REEP5: variants seen among roughly 807,000 people sequenced by gnomAD.
REEP5 encodes receptor accessory protein 5.
In REEP5, 24 loss-of-function variants were observed where a neutral mutation model predicts 22.4. The observed-to-expected ratio is 1.07, with a 90% CI of 0.78 to 1.51. The LOEUF is 1.51. Among genes scored for constraint, REEP5 ranks in the 40% most tolerant of loss-of-function variants. REEP5 has a pLI of 0.00. For missense variants in REEP5, 252 were observed against 233.0 expected (o/e 1.08, Z -0.53); for synonymous variants, 103 against 88.6 (o/e 1.16, Z -0.92).
chr5:112,914,101 C>A (rs1181020215), intron 2 of REEP5, among the ~76,000 whole-genome samples: 1 of 150,670 alleles, frequency 6.6e-6, no homozygotes, highest in Non-Finnish European at 1.5e-5. Flanking sequence ...TGTGTTCATG[C>A]CATTGCACTC....
intron 3 of REEP5, among the ~76,000 whole-genome samples, chr5:112,888,601 C>G (rs1485049275): frequency 4.4e-5 from 6 of 136,344 alleles, no homozygotes; most frequent in Non-Finnish European, 7.6e-5. Flanking sequence ...TTTTTTATAA[C>G]TTTTTTTTGT....
At position 112,921,309 on chromosome 5, in the gene REEP5, G is replaced by C. The variant is rs1182738493; in HGVS notation, c.119-53C>G. 3.8e-6 allele frequency: 6 copies of C among 1,560,568 alleles called. No homozygotes were observed. In the East Asian group the frequency reaches 1.4e-4, roughly 35 times the overall value. On this transcript the variant is annotated intron_variant, in intron 1 of 4. Coordinates refer to ENST00000379638, the MANE Select transcript of REEP5 (RefSeq NM_005669.5). ...CGGGCAGCATGAGAGCCGTTCACGC[G>C]GGACAGCCGCCGCCCACACCGCGAG...
Position 112,882,661 on chromosome 5 carries a change from G to A in REEP5, c.521-3826C>T, listed in dbSNP as rs556662061. Among the ~76,000 whole-genome samples the A allele has an allele frequency of 1.6e-3, 239 of 152,288 alleles. 3 individuals are homozygous for A. The highest frequency in any genetic ancestry group is 5.5e-3 in the African/African-American group (229 of 41,554). On this transcript the variant is annotated intron_variant, in intron 4 of 4. Transcript: ENST00000379638. ...GGGCCAGCACACTGCAGCCAAACTCGCTTATGTAGTGTCCATGGCTGTTTT... is the reference window on the plus strand; with the variant it reads ...GGGCCAGCACACTGCAGCCAAACTCACTTATGTAGTGTCCATGGCTGTTTT...
chr5:112,916,625 T>C (rs1769238681), intron 2 of REEP5, among the ~76,000 whole-genome samples: 1 of 152,228 alleles, frequency 6.6e-6, no homozygotes, highest in Non-Finnish European at 1.5e-5. Context: ...GGTCAACTGT[T>C]TTTTTGAAAG....
intron 3 of REEP5, chr5:112,892,266 C>G (rs751827938): frequency 1.2e-6 from 2 of 1,614,068 alleles, no homozygotes; most frequent in Non-Finnish European, 1.7e-6. Flanking sequence ...TTATTAAGAG[C>G]ATGTTTACAA....
At chr5:112,883,461 G>C (rs1404815867) in intron 4 of REEP5, among the ~76,000 whole-genome samples, 1 of 152,104 alleles carries the variant, frequency 6.6e-6, no homozygotes, top group Admixed American at 6.5e-5. Flanking sequence ...ACACGCTCAT[G>C]GTTTTCTTGC....
intron 2 of REEP5, among the ~76,000 whole-genome samples, chr5:112,906,677 A>T (rs1334012803): frequency 6.6e-6 from 1 of 152,160 alleles, no homozygotes. Flanking sequence ...AACTTAGATG[A>T]TCATCCACAT....
At chr5:112,899,227 C>T (rs923918216) in intron 3 of REEP5, among the ~76,000 whole-genome samples, 1 of 151,178 alleles carries the variant, frequency 6.6e-6, no homozygotes, top group Non-Finnish European at 1.5e-5. Context: ...CACAGGCATG[C>T]ACCACCATGC....
chr5:112,902,656 G>A (rs2150044307), intron 2 of REEP5, 138 bp from the exon 3 acceptor site: 1 of 689,570 alleles, frequency 1.5e-6, no homozygotes, highest in Non-Finnish European at 2.3e-6. Context: ...AGATGCAAGA[G>A]TACAGCTTAA....
intron 3 of REEP5, among the ~76,000 whole-genome samples, chr5:112,888,457 C>G (rs1768328654): frequency 1.3e-5 from 2 of 152,208 alleles, no homozygotes; most frequent in Admixed American, 1.3e-4. Context: ...GAGTCTTGCT[C>G]TGTCACCCAG....
At chr5:112,906,903 G>C (rs978417479) in intron 2 of REEP5, among the ~76,000 whole-genome samples, 15 of 152,270 alleles carry the variant, frequency 9.9e-5, no homozygotes, top group African/African-American at 2.9e-4. Context: ...CAGAGGGCAG[G>C]CTACCCCTTT....
intron 3 of REEP5, chr5:112,897,165 T>C (rs1768709222): frequency 6.6e-6 from 1 of 152,108 alleles, no homozygotes; most frequent in South Asian, 2.1e-4. Flanking sequence ...TTATATATCA[T>C]ATGTGATCTA....
intron 4 of REEP5, among the ~76,000 whole-genome samples, chr5:112,883,955 T>G (rs1357110182): frequency 1.3e-5 from 2 of 152,164 alleles, no homozygotes; most frequent in African/African-American, 4.8e-5. Flanking sequence ...CTTCTACCTT[T>G]GAAATATATC....
intron 2 of REEP5, among the ~76,000 whole-genome samples, chr5:112,913,350 AAAGAAAGAAAGGAAAGAAAG>A: frequency 6.7e-6 from 1 of 148,488 alleles, no homozygotes; most frequent in African/African-American, 2.6e-5. Context: ...GAAAGAAAAG[AAAGAAAGAAAGGAAAGAAAG>A]AAGAAAGAAA....
Position 112,878,854 on chromosome 5 carries a change from G to A in REEP5, c.521-19C>T, listed in dbSNP as rs1478608583. ...TTCTTCGCTGTTTGTTTGTTAGGAG[G>A]GAAAGAAAAATATATCAAAGCTCTT... On this transcript the variant is annotated intron_variant, in intron 4 of 4. Coordinates refer to ENST00000379638, the MANE Select transcript of REEP5 (RefSeq NM_005669.5). 3 of 1,613,880 alleles carry A rather than the reference G, an allele frequency of 1.9e-6. No individual in the cohort carries two copies. Among genetic ancestry groups the A allele is most frequent in the Non-Finnish European group, 2.5e-6 (3 of 1,179,954 alleles).
At position 112,876,537 on chromosome 5, in the gene REEP5, A is replaced by G. The variant is rs986246248; in HGVS notation, c.*2249T>C. On this transcript the variant is annotated 3_prime_UTR_variant, in exon 5 of 5. Coordinates refer to ENST00000379638, the MANE Select transcript of REEP5 (RefSeq NM_005669.5). ...AGAGTAGCAGTTGTTGATCCAAATG[A>G]TTGAAGCCTTCAGGTAAGGGAATAA... 1.3e-5 allele frequency: 2 copies of G among 152,228 alleles called. No individual in the cohort carries two copies. The highest frequency in any genetic ancestry group is 4.8e-5 in the African/African-American group (2 of 41,468). The allele number at this position is 152,228 out of a possible 1,614,324, so 9.4% of individuals were successfully genotyped here. A position where few individuals can be genotyped will look rare whatever the true frequency, so the allele number is the denominator to read the frequency against.
Position 112,876,581 on chromosome 5 carries a change from C to T in REEP5, c.*2205G>A, listed in dbSNP as rs1767902257. On this transcript the variant is annotated 3_prime_UTR_variant, in exon 5 of 5. Transcript: ENST00000379638. ...GGAATAACTGCTGCAGGAATTCTTTCTTGAAGAATTTAAGCTGTTTGGTAG... is the reference window on the plus strand; with the variant it reads ...GGAATAACTGCTGCAGGAATTCTTTTTTGAAGAATTTAAGCTGTTTGGTAG... 6.6e-6 allele frequency: 1 copy of T among 152,140 alleles called. No homozygotes were observed. The highest frequency in any genetic ancestry group is 1.5e-5 in the Non-Finnish European group (1 of 68,020). The allele number at this position is 152,140 out of a possible 1,614,324, so 9.4% of individuals were successfully genotyped here.
chr5:112,890,568 G>C lies in REEP5; in HGVS notation c.352-3385C>G, dbSNP rs143768237. On this transcript the variant is annotated intron_variant, in intron 3 of 4. Transcript: ENST00000379638. Reference sequence around the variant, plus strand: ...AATTTTTGTACTTTTTGTAGAGATGGGGTTTCGCCATGTTGGCCGGGCTGG... The same window carrying C: ...AATTTTTGTACTTTTTGTAGAGATGCGGTTTCGCCATGTTGGCCGGGCTGG... 7.0e-4 allele frequency among the ~76,000 whole-genome samples: 105 copies of C among 149,968 alleles called. 5 individuals are homozygous for C. The highest frequency in any genetic ancestry group is 2.5e-3 in the African/African-American group (102 of 40,068).
At position 112,920,349 on chromosome 5, in the gene REEP5, G is replaced by A. The variant is rs557560231; in HGVS notation, c.212+814C>T. Among the ~76,000 whole-genome samples, 26 of 152,244 alleles carry A rather than the reference G, an allele frequency of 1.7e-4. No homozygotes were observed. The South Asian group carries it at 5.4e-3, about 32-fold the overall frequency. On this transcript the variant is annotated intron_variant, in intron 2 of 4. Transcript: ENST00000379638. Reference sequence around the variant, plus strand: ...CTTTATTTTTATCCCTATGGTTGAAGAAAGTAGCAGAGACCAACTGAATGA... The same window carrying A: ...CTTTATTTTTATCCCTATGGTTGAAAAAAGTAGCAGAGACCAACTGAATGA...
Sources: gnomAD v4.1 joint callset for allele counts (sites outside exome capture counted in the v4.1 genomes callset) on GRCh38, gnomAD v4.1.1 for gene constraint, MANE v1.5 for transcripts, NCBI Gene and HGNC (gene_info 2026-07-23, HGNC 2026-07-21) for gene names.